The following LINGO2 variants were observed in gnomAD, a reference collection of about 807,000 sequenced individuals.
LINGO2 encodes leucine-rich repeat and immunoglobulin-like domain-containing nogo receptor-interacting protein 2.
LINGO2 carries 14 observed loss-of-function variants against 30.6 expected under a neutral mutation model. That is an observed-to-expected ratio of 0.46 (90% CI 0.30 to 0.72). LINGO2 has a LOEUF of 0.72. LINGO2 is among the 30% of genes least tolerant of loss of function. The pLI is 0.07. For synonymous variants in LINGO2, 317 were observed against 288.5 expected (o/e 1.10, Z -1.00); for missense variants, 729 against 751.7 (o/e 0.97, Z 0.35).
intron 3 of LINGO2, among the ~76,000 whole-genome samples, chr9:28,363,649 C>A (rs937662149): frequency 1.3e-5 from 2 of 152,026 alleles, no homozygotes; most frequent in African/African-American, 4.8e-5. Context: ...GAGTCACTAT[C>A]TTTAGCTAAT....
chr9:28,569,934 A>G (rs181500146), intron 1 of LINGO2, among the ~76,000 whole-genome samples: 2 of 152,056 alleles, frequency 1.3e-5, no homozygotes, highest in East Asian at 3.9e-4. Flanking sequence ...GCAAAAAATA[A>G]AGCTGGAAAA....
chr9:28,556,506 C>G (rs931263017), intron 1 of LINGO2, among the ~76,000 whole-genome samples: 2 of 152,014 alleles, frequency 1.3e-5, no homozygotes, highest in Non-Finnish European at 2.9e-5. Context: ...AGGATACAAA[C>G]AAATGGAAGA....
intron 1 of LINGO2, among the ~76,000 whole-genome samples, chr9:28,651,109 G>A (rs531283153): frequency 1.3e-5 from 2 of 151,712 alleles, no homozygotes; most frequent in East Asian, 1.9e-4. Flanking sequence ...GCATGAACCC[G>A]GAGGCAGAGC....
At chr9:29,211,339 C>T in the LINGO2 span, among the ~76,000 whole-genome samples, 20 of 152,088 alleles carry the variant, frequency 1.3e-4, no homozygotes, top group Non-Finnish European at 2.5e-4. Flanking sequence ...TATTCAGTGC[C>T]CACTGAGCCC....
intron 1 of LINGO2, among the ~76,000 whole-genome samples, chr9:28,634,701 G>T (rs557938559): frequency 6.6e-6 from 1 of 151,836 alleles, no homozygotes. Flanking sequence ...GGCCAGGCTG[G>T]TCTCAAACTG....
Position 28,667,255 on chromosome 9 carries a change from A to T in LINGO2, c.-365+2945T>A, listed in dbSNP as rs1472604932. 2.0e-5 allele frequency among the ~76,000 whole-genome samples: 3 copies of T among 152,272 alleles called. No individual in the cohort carries two copies. The East Asian group carries it at 5.8e-4, about 29-fold the overall frequency. ...TTCTCACTTTAACTAAACCCATGTAATATTATTTTTAAAACCTTTCTCATA... is the reference window on the plus strand; with the variant it reads ...TTCTCACTTTAACTAAACCCATGTATTATTATTTTTAAAACCTTTCTCATA... On this transcript the variant is annotated intron_variant, in intron 1 of 5. Transcript: ENST00000379992.
At chr9:28,060,537 C>T (rs1825110773) in intron 4 of LINGO2, among the ~76,000 whole-genome samples, 1 of 152,038 alleles carries the variant, frequency 6.6e-6, no homozygotes, top group Non-Finnish European at 1.5e-5. Context: ...TTCACAAAGC[C>T]AGGAAGTAAG....
chr9:28,887,397 GA>G, the LINGO2 span, among the ~76,000 whole-genome samples: 1 of 151,974 alleles, frequency 6.6e-6, no homozygotes, highest in African/African-American at 2.4e-5. Context: ...ATACATTCCA[GA>G]AAAGTGATTC....
chr9:28,498,266 C>T (rs1300835950), intron 1 of LINGO2, among the ~76,000 whole-genome samples: 3 of 152,202 alleles, frequency 2.0e-5, no homozygotes, highest in Non-Finnish European at 2.9e-5. Flanking sequence ...GTGGAGTCTA[C>T]AGAGGCAGGC....
At chr9:28,721,976 G>GA in the LINGO2 span, among the ~76,000 whole-genome samples, 1 of 151,792 alleles carries the variant, frequency 6.6e-6, no homozygotes, top group Admixed American at 6.6e-5. Context: ...ATATACGTAT[G>GA]AAAAATGGGA....
intron 1 of LINGO2, among the ~76,000 whole-genome samples, chr9:28,512,640 C>T (rs1193380111): frequency 0.021 from 1,606 of 76,020 alleles, 81 homozygotes; most frequent in African/African-American, 0.096. Flanking sequence ...TATATATACA[C>T]ACATACATAC....
rs564308978 is a variant in LINGO2 at position 28,589,788 on chromosome 9, T to A, written c.-365+80412A>T. Among the ~76,000 whole-genome samples, 888 of 151,948 alleles carry A rather than the reference T, an allele frequency of 5.8e-3. 11 individuals carry two copies. The highest frequency in any genetic ancestry group is 0.021 in the African/African-American group (856 of 41,426). On this transcript the variant is annotated intron_variant, in intron 1 of 5. Transcript: ENST00000379992. ...GCTACCAATGACTTTCTTCACAGAA[T>A]TGGAAAAAACTACTTTAAAGTTCAT... is the stretch of plus-strand genomic sequence containing the variant.
chr9:28,415,658 C>G (rs1046916637), intron 2 of LINGO2, among the ~76,000 whole-genome samples: 1 of 152,278 alleles, frequency 6.6e-6, no homozygotes, highest in Non-Finnish European at 1.5e-5. Flanking sequence ...ACACTCACAA[C>G]CTTAGCTAAG....
chr9:28,977,718 A>G, the LINGO2 span, among the ~76,000 whole-genome samples: 2 of 152,270 alleles, frequency 1.3e-5, no homozygotes, highest in East Asian at 3.9e-4. Context: ...GTAGATGGAC[A>G]TTACAGTTTA....
intron 4 of LINGO2, among the ~76,000 whole-genome samples, chr9:28,224,192 G>C (rs1821065849): frequency 2.0e-5 from 3 of 152,270 alleles, no homozygotes; most frequent in East Asian, 1.9e-4. Context: ...AGCCTCCCGA[G>C]TAGCTGGGAC....
At chr9:29,021,431 G>A in the LINGO2 span, among the ~76,000 whole-genome samples, 4 of 152,250 alleles carry the variant, frequency 2.6e-5, no homozygotes, top group South Asian at 8.3e-4. Flanking sequence ...GGCGATGCGG[G>A]CGGATCATGA....
At chr9:28,994,330 C>G in the LINGO2 span, among the ~76,000 whole-genome samples, 1 of 152,238 alleles carries the variant, frequency 6.6e-6, no homozygotes, top group African/African-American at 2.4e-5. Flanking sequence ...AGGACCACTT[C>G]AAGGACAACT....
At chr9:28,049,694 G>A (rs905509576) in intron 4 of LINGO2, among the ~76,000 whole-genome samples, 12 of 150,570 alleles carry the variant, frequency 8.0e-5, no homozygotes, top group Non-Finnish European at 2.9e-5. Context: ...TGTAAAGGAG[G>A]CATTATAATG....
chr9:27,980,095 C>A (rs1047126100), intron 5 of LINGO2, among the ~76,000 whole-genome samples: 2 of 151,786 alleles, frequency 1.3e-5, no homozygotes, highest in Non-Finnish European at 1.5e-5. Context: ...TACCTCACTT[C>A]GAGGCAAGAA....
Sources: allele counts gnomAD v4.1 joint callset (sites outside exome capture counted in the v4.1 genomes callset), GRCh38; gene constraint gnomAD v4.1.1; transcripts MANE v1.5; gene names NCBI Gene and HGNC (gene_info 2026-07-23, HGNC 2026-07-21).